Variants in ST8SIA6 observed in about 807,000 individuals in gnomAD.
ST8SIA6 encodes ST8 alpha-N-acetyl-neuraminide alpha-2,8-sialyltransferase 6.
ST8SIA6 carries 39 observed loss-of-function variants against 33.6 expected under a neutral mutation model. The observed-to-expected ratio is 1.16, with a 90% CI of 0.90 to 1.52. ST8SIA6 has a LOEUF of 1.52. Among genes scored for constraint, ST8SIA6 ranks in the 40% most tolerant of loss-of-function variants. ST8SIA6 has a pLI of 0.00. For synonymous variants in ST8SIA6, 172 were observed against 167.2 expected, an observed-to-expected ratio of 1.03 and a Z score of -0.22; for missense variants, 441 against 443.8, an observed-to-expected ratio of 0.99 and a Z score of 0.06.
chr10:17,399,685 G>C (rs1457312069), intron 2 of ST8SIA6, among the ~76,000 whole-genome samples: 1 of 152,128 alleles, frequency 6.6e-6, no homozygotes, highest in Non-Finnish European at 1.5e-5. Context: ...GGGAGGCAGA[G>C]GTAGGGGAGG....
In ST8SIA6 at chr10:17,347,466, G is replaced by T. The variant is rs547762926; in HGVS notation, c.377+12048C>A. 3.2e-4 allele frequency among the ~76,000 whole-genome samples: 48 copies of T among 152,080 alleles called. No homozygotes were observed. The South Asian group carries it at 1.0e-2, about 32-fold the overall frequency. On this transcript the variant is annotated intron_variant, in intron 4 of 7. Coordinates refer to ENST00000377602, the MANE Select transcript of ST8SIA6 (RefSeq NM_001004470.3). ...GGGCAATGATAATAATGAAGGTGGT[G>T]ACCTGTTGTGGTTTTAATTCATGCT...
At chr10:17,392,968 G>A (rs537247246) in intron 2 of ST8SIA6, among the ~76,000 whole-genome samples, 2 of 152,282 alleles carry the variant, frequency 1.3e-5, no homozygotes, top group South Asian at 4.1e-4. Context: ...GGTATTTCTG[G>A]AACAGATGAG....
At position 17,315,877 on chromosome 10, in the gene ST8SIA6, A is replaced by G. The variant is rs1158968635; in HGVS notation, c.*5001T>C. Among the ~76,000 whole-genome samples the G allele has an allele frequency of 6.6e-6, 1 of 151,962 alleles. No individual in the cohort carries two copies. The highest frequency in any genetic ancestry group is 1.5e-5 in the Non-Finnish European group (1 of 67,896). On this transcript the variant is annotated 3_prime_UTR_variant, in exon 8 of 8. Transcript: ENST00000377602. Reference sequence around the variant, plus strand: ...GCATGTACATAAATATGTGCCATTTATTACATGTCAATGACATGGGATAAT... The same window carrying G: ...GCATGTACATAAATATGTGCCATTTGTTACATGTCAATGACATGGGATAAT...
At chr10:17,440,574 T>TA in intron 2 of ST8SIA6, among the ~76,000 whole-genome samples, 1 of 152,278 alleles carries the variant, frequency 6.6e-6, no homozygotes, top group East Asian at 1.9e-4. Flanking sequence ...TATCCATACA[T>TA]TCATAAGGAG....
chr10:17,366,290 T>C (rs1849557529), intron 3 of ST8SIA6, among the ~76,000 whole-genome samples: 1 of 152,212 alleles, frequency 6.6e-6, no homozygotes, highest in East Asian at 1.9e-4. Context: ...TTTTATTTTC[T>C]CCATATCTTT....
At chr10:17,415,787 T>C (rs1851586639) in intron 2 of ST8SIA6, among the ~76,000 whole-genome samples, 1 of 148,510 alleles carries the variant, frequency 6.7e-6, no homozygotes, top group Non-Finnish European at 1.5e-5. Context: ...CCAAATTCAA[T>C]GGACGCCTCA....
chr10:17,333,390 A>G lies in ST8SIA6; in HGVS notation c.378-1838T>C, dbSNP rs1374435397. On this transcript the variant is annotated intron_variant, in intron 4 of 7. Transcript: ENST00000377602. ...ATTCTTCACAGAATTAGAAAAAACTACTTTAAATTTCATATGGAACCAGAA... is the reference window on the plus strand; with the variant it reads ...ATTCTTCACAGAATTAGAAAAAACTGCTTTAAATTTCATATGGAACCAGAA... 2.6e-5 allele frequency among the ~76,000 whole-genome samples: 4 copies of G among 151,992 alleles called. No homozygotes were observed. The East Asian group carries it at 7.7e-4, about 29-fold the overall frequency.
intron 3 of ST8SIA6, among the ~76,000 whole-genome samples, chr10:17,370,906 C>T (rs149148246): frequency 6.6e-6 from 1 of 152,234 alleles, no homozygotes; most frequent in African/African-American, 2.4e-5. Flanking sequence ...ATAGGATCCC[C>T]CTACCTACTT....
intron 2 of ST8SIA6, among the ~76,000 whole-genome samples, chr10:17,405,321 C>T (rs2131685184): frequency 6.6e-6 from 1 of 151,770 alleles, no homozygotes; most frequent in African/African-American, 2.4e-5. Context: ...CAGTGAGCCA[C>T]GATCACACCA....
Position 17,319,153 on chromosome 10 carries a change from A to G in ST8SIA6, c.*1725T>C, listed in dbSNP as rs1369074101. On this transcript the variant is annotated 3_prime_UTR_variant, in exon 8 of 8. Transcript: ENST00000377602. Reference sequence around the variant, plus strand: ...TGTGTCACAATGAATGTGTCTAAATATGACAGATTATGGATATCGATAATA... The same window carrying G: ...TGTGTCACAATGAATGTGTCTAAATGTGACAGATTATGGATATCGATAATA... Among the ~76,000 whole-genome samples the G allele has an allele frequency of 6.6e-6, 1 of 152,250 alleles. No homozygotes were observed. The highest frequency in any genetic ancestry group is 6.5e-5 in the Admixed American group (1 of 15,276).
intron 2 of ST8SIA6, among the ~76,000 whole-genome samples, chr10:17,391,742 C>CCA (rs1850621868): frequency 6.6e-6 from 1 of 152,142 alleles, no homozygotes; most frequent in Non-Finnish European, 1.5e-5. Context: ...GAAAAAAAAT[C>CCA]TGAAGTCAGG....
chr10:17,394,936 G>A (rs547902228), intron 2 of ST8SIA6, among the ~76,000 whole-genome samples: 68 of 152,170 alleles, frequency 4.5e-4, no homozygotes, highest in Non-Finnish European at 7.8e-4. Context: ...CAAGACAAGC[G>A]TGGGCTGATT....
At chr10:17,453,862 C>A (rs45588834) in intron 1 of ST8SIA6, among the ~76,000 whole-genome samples, 1 of 152,262 alleles carries the variant, frequency 6.6e-6, no homozygotes, top group African/African-American at 2.4e-5. Flanking sequence ...GATCCTGATG[C>A]GGAACCCGAC....
intron 3 of ST8SIA6, among the ~76,000 whole-genome samples, chr10:17,373,915 A>T (rs1240274757): frequency 6.6e-6 from 1 of 152,184 alleles, no homozygotes; most frequent in Non-Finnish European, 1.5e-5. Flanking sequence ...TCTGAGAGAA[A>T]ATTCAGTTTT....
At chr10:17,389,795 C>T (rs1850518545) in intron 3 of ST8SIA6, among the ~76,000 whole-genome samples, 1 of 152,050 alleles carries the variant, frequency 6.6e-6, no homozygotes, top group South Asian at 2.1e-4. Flanking sequence ...AAAAGTTTAG[C>T]CAGTATAACT....
At chr10:17,448,999 T>A (rs1301469752) in intron 2 of ST8SIA6, among the ~76,000 whole-genome samples, 1 of 151,292 alleles carries the variant, frequency 6.6e-6, no homozygotes, top group Non-Finnish European at 1.5e-5. Flanking sequence ...GAATAAAATA[T>A]TCAAAGTCTT....
At chr10:17,453,749 GATCT>G in intron 1 of ST8SIA6, 92 bp from the exon 2 acceptor site, 2 of 1,000,148 alleles carry the variant, frequency 2.0e-6, no homozygotes, top group Non-Finnish European at 2.6e-6. Flanking sequence ...CTGGCAGGGA[GATCT>G]CGCACTCCCC....
rs200826980 is a variant in ST8SIA6, at chr10:17,368,407, CA to C, written c.291-8808del. On this transcript the variant is annotated intron_variant, in intron 3 of 7. Coordinates refer to ENST00000377602, the MANE Select transcript of ST8SIA6 (RefSeq NM_001004470.3). ...GGGCAACAAGAGTGAAGCTCTGTCT[CA>C]AAAAAAAAAAAAAAAAAAAAAAAAT... Among the ~76,000 whole-genome samples the C allele has an allele frequency of 4.0e-3, 286 of 72,156 alleles. 1 individual carries two copies. Among genetic ancestry groups the C allele is most frequent in the African/African-American group, 8.8e-3 (189 of 21,432 alleles). The allele number at this position is 72,156 out of a possible 152,430, so 47.3% of individuals were successfully genotyped here.
intron 3 of ST8SIA6, among the ~76,000 whole-genome samples, chr10:17,374,247 C>T (rs1401828770): frequency 1.3e-4 from 19 of 151,372 alleles, no homozygotes; most frequent in Non-Finnish European, 2.4e-4. Flanking sequence ...TTGAAACAAA[C>T]AATATACGAA....
Sources: allele counts gnomAD v4.1 joint callset (sites outside exome capture counted in the v4.1 genomes callset), GRCh38; gene constraint gnomAD v4.1.1; transcripts MANE v1.5; gene names NCBI Gene and HGNC (gene_info 2026-07-23, HGNC 2026-07-21).